The following TRPC5 variants were observed in gnomAD, a reference collection of about 807,000 sequenced individuals.
The protein encoded by TRPC5 is transient receptor potential cation channel subfamily C member 5.
In TRPC5, 9 loss-of-function variants were observed where a neutral mutation model predicts 56.5. The observed-to-expected ratio is 0.16, with a 90% CI of 0.10 to 0.28. The LOEUF (loss-of-function observed/expected upper bound fraction) is 0.28. Among genes scored for constraint, TRPC5 ranks in the 10% least tolerant of loss-of-function variants. The pLI is 1.00. For synonymous variants in TRPC5, 282 were observed against 278.5 expected (o/e 1.01, Z -0.13); for missense variants, 469 against 748.9 (o/e 0.63, Z 4.36).
intron 1 of TRPC5, among the ~76,000 whole-genome samples, chrX:112,018,900 G>A (rs963633970): frequency 1.8e-5 from 2 of 112,014 alleles, no homozygotes; most frequent in African/African-American, 6.5e-5. Context: ...TCAGCTCCTA[G>A]AAGCTTCCCA....
chrX:111,782,173 G>A (rs1327188219), intron 7 of TRPC5, 35 bp from the exon 8 acceptor site: 4 of 1,132,772 alleles, frequency 3.5e-6, no homozygotes, highest in Non-Finnish European at 4.8e-6. Context: ...GATTTGGGAT[G>A]GGAAACTGCA....
At chrX:112,037,663 A>G (rs1319936901) in intron 1 of TRPC5, among the ~76,000 whole-genome samples, 1 of 111,142 alleles carries the variant, frequency 9.0e-6, no homozygotes, top group Non-Finnish European at 1.9e-5. Flanking sequence ...ACCCTTTTCT[A>G]CAATCTCTGA....
chrX:111,980,491 C>CA (rs1472019953), intron 1 of TRPC5, among the ~76,000 whole-genome samples: 1 of 111,138 alleles, frequency 9.0e-6, no homozygotes, highest in African/African-American at 3.3e-5. Flanking sequence ...GTAAATTGCA[C>CA]AAAAATTGAG....
At chrX:112,036,584 G>A (rs1173963143) in intron 1 of TRPC5, among the ~76,000 whole-genome samples, 1 of 112,206 alleles carries the variant, frequency 8.9e-6, no homozygotes, top group Non-Finnish European at 1.9e-5. Context: ...CTAATGTGTA[G>A]GAAGTTGCCT....
rs1201654250 is a variant in TRPC5 at position 111,975,194 on chromosome X, T to G, written c.-21-22753A>C. ...CCACGTCAGCAAAAGGTGGGAGAAT[T>G]ATTAGTTCAAGGCATTTAAATAAAT... On this transcript the variant is annotated intron_variant, in intron 1 of 10. Transcript: ENST00000262839. Among the ~76,000 whole-genome samples, 4 of 111,058 alleles carry G rather than the reference T, an allele frequency of 3.6e-5. No individual in the cohort carries two copies. In the East Asian group the frequency reaches 1.1e-3, roughly 32 times the overall value.
At chrX:112,013,800 A>G (rs1489788468) in intron 1 of TRPC5, among the ~76,000 whole-genome samples, 2 of 111,853 alleles carry the variant, frequency 1.8e-5, no homozygotes, top group African/African-American at 6.5e-5. Flanking sequence ...CTCAGTCTCT[A>G]GTATTTCCTG....
chrX:111,914,976 G>C (rs995053448), intron 2 of TRPC5, among the ~76,000 whole-genome samples: 2 of 110,943 alleles, frequency 1.8e-5, no homozygotes, highest in Non-Finnish European at 3.8e-5. Context: ...GGGAAGAGAG[G>C]CTAACCTGTA....
At chrX:111,806,776 G>A (rs1294968489) in intron 7 of TRPC5, among the ~76,000 whole-genome samples, 3 of 107,342 alleles carry the variant, frequency 2.8e-5, no homozygotes, top group Admixed American at 9.9e-5. Flanking sequence ...TTTTTTTTTC[G>A]TTTGTTTATC....
At chrX:111,884,201 C>G (rs896587174) in intron 3 of TRPC5, among the ~76,000 whole-genome samples, 2 of 112,590 alleles carry the variant, frequency 1.8e-5, no homozygotes, top group African/African-American at 6.4e-5. Context: ...TAAAAGCTAA[C>G]TGACTTGGTT....
intron 7 of TRPC5, among the ~76,000 whole-genome samples, chrX:111,788,273 A>G (rs1454686920): frequency 8.9e-6 from 1 of 111,947 alleles, no homozygotes; most frequent in African/African-American, 3.3e-5. Flanking sequence ...ACAAATCAAT[A>G]AACACAATGC....
At chrX:111,975,106 A>G (rs149853465) in intron 1 of TRPC5, among the ~76,000 whole-genome samples, 3,424 of 110,856 alleles carry the variant, frequency 0.031, 134 homozygotes, top group African/African-American at 0.11. Context: ...GATGCTCTGC[A>G]CAAACAAGAA....
At chrX:111,845,089 C>G in intron 6 of TRPC5, among the ~76,000 whole-genome samples, 1 of 109,777 alleles carries the variant, frequency 9.1e-6, no homozygotes, top group Non-Finnish European at 1.9e-5. Flanking sequence ...AATATAAAAA[C>G]TAGCCAGGCA....
At chrX:112,020,099 C>T (rs1001718102) in intron 1 of TRPC5, among the ~76,000 whole-genome samples, 1 of 111,644 alleles carries the variant, frequency 9.0e-6, no homozygotes, top group Middle Eastern at 4.2e-3. Context: ...CACTATGTTG[C>T]CCAAGCTGGT....
intron 7 of TRPC5, among the ~76,000 whole-genome samples, chrX:111,812,427 C>T (rs1189451933): frequency 1.8e-5 from 2 of 111,731 alleles, no homozygotes; most frequent in African/African-American, 3.3e-5. Context: ...CGTGACCTCA[C>T]GTTGGGAATT....
At chrX:111,843,012 G>A (rs1215775514) in intron 6 of TRPC5, among the ~76,000 whole-genome samples, 2 of 112,828 alleles carry the variant, frequency 1.8e-5, no homozygotes, top group East Asian at 2.8e-4. Context: ...GATTTTATCA[G>A]TGTTGATTTC....
At chrX:111,864,797 A>T (rs1433187121) in intron 3 of TRPC5, among the ~76,000 whole-genome samples, 1 of 112,037 alleles carries the variant, frequency 8.9e-6, no homozygotes, top group Non-Finnish European at 1.9e-5. Flanking sequence ...ATTTAAAAAA[A>T]TTTTCAACGT....
At chrX:112,056,345 T>C (rs906389258) in intron 1 of TRPC5, among the ~76,000 whole-genome samples, 1 of 112,333 alleles carries the variant, frequency 8.9e-6, no homozygotes, top group African/African-American at 3.2e-5. Flanking sequence ...GGGATACATG[T>C]TTACTTATTT....
chrX:111,899,467 G>C (rs925036502), intron 3 of TRPC5, among the ~76,000 whole-genome samples: 2 of 111,596 alleles, frequency 1.8e-5, no homozygotes, highest in African/African-American at 6.5e-5. Context: ...GATGGAGATA[G>C]AGAGGGTGTG....
chrX:111,847,060 G>A (rs1326179188), intron 6 of TRPC5, 54 bp downstream of exon 6: 20 of 1,128,397 alleles, frequency 1.8e-5, no homozygotes, highest in Middle Eastern at 2.6e-4. Context: ...TGGAGAAGGC[G>A]GAAAAAATGG....
Sources: allele counts gnomAD v4.1 joint callset (sites outside exome capture counted in the v4.1 genomes callset), GRCh38; gene constraint gnomAD v4.1.1; transcripts MANE v1.5; gene names NCBI Gene and HGNC (gene_info 2026-07-23, HGNC 2026-07-21).